CSRNP3: variants seen among roughly 807,000 people sequenced by gnomAD.
The protein encoded by CSRNP3 is cysteine/serine-rich nuclear protein 3.
Under a neutral mutation model 48.0 loss-of-function variants are expected in CSRNP3, and 12 were observed. The observed-to-expected ratio is 0.25, with a 90% CI of 0.16 to 0.41. The LOEUF is 0.41. Among genes scored for constraint, CSRNP3 ranks in the 10% least tolerant of loss-of-function variants. The probability of loss-of-function intolerance (pLI) is 1.00; values close to 1 mark genes in which losing one functional copy is unlikely to be tolerated. For synonymous variants in CSRNP3, 263 were observed against 269.7 expected (o/e 0.98, Z 0.24); for missense variants, 580 against 724.4 (o/e 0.80, Z 2.29).
intron 3 of CSRNP3, among the ~76,000 whole-genome samples, chr2:165,594,061 T>G (rs1685769949): frequency 1.3e-5 from 2 of 152,184 alleles, no homozygotes; most frequent in African/African-American, 4.8e-5. Context: ...GTCTTTAGAC[T>G]TGGGTGCCAT....
intron 4 of CSRNP3, among the ~76,000 whole-genome samples, chr2:165,633,456 C>T (rs1170567034): frequency 6.6e-6 from 1 of 152,154 alleles, no homozygotes; most frequent in Non-Finnish European, 1.5e-5. Context: ...GGTATGTTTT[C>T]ATTACAAAAC....
chr2:165,629,262 A>T (rs368593311), intron 4 of CSRNP3, among the ~76,000 whole-genome samples: 2 of 152,174 alleles, frequency 1.3e-5, no homozygotes, highest in East Asian at 1.9e-4. Flanking sequence ...TGTTCTCCTG[A>T]CATCACTCCC....
At chr2:165,657,683 T>C in intron 4 of CSRNP3, 78 bp from the exon 5 acceptor site, 1 of 1,549,356 alleles carries the variant, frequency 6.5e-7, no homozygotes, top group South Asian at 1.2e-5. Context: ...AGATTCAAGA[T>C]CACCAAATGG....
chr2:165,500,410 C>CAT lies in CSRNP3; in HGVS notation c.-113+5492_-113+5493dup, dbSNP rs201256708. ...GTATATATGTATACATATATGTATA[C>CAT]ATATATATATACACACACACACACA... On this transcript the variant is annotated intron_variant, in intron 2 of 6. Coordinates refer to ENST00000651982, the MANE Select transcript of CSRNP3 (RefSeq NM_001172173.2). Among the ~76,000 whole-genome samples, 8 of 125,346 alleles carry CAT rather than the reference C, an allele frequency of 6.4e-5. No individual in the cohort carries two copies. In the East Asian group the frequency reaches 7.2e-4, roughly 11 times the overall value. The allele number at this position is 125,346 out of a possible 152,430, so 82.2% of individuals were successfully genotyped here.
chr2:165,600,750 T>C (rs1417976480), intron 4 of CSRNP3, among the ~76,000 whole-genome samples: 2 of 152,260 alleles, frequency 1.3e-5, no homozygotes, highest in Non-Finnish European at 1.5e-5. Context: ...AAGTGTCTGT[T>C]CATGTCCTTC....
intron 5 of CSRNP3, among the ~76,000 whole-genome samples, chr2:165,664,119 G>A (rs375093276): frequency 1.7e-3 from 257 of 152,260 alleles, no homozygotes; most frequent in African/African-American, 5.9e-3. Flanking sequence ...AGTTCTTCGA[G>A]GGTATAATTA....
intron 3 of CSRNP3, among the ~76,000 whole-genome samples, chr2:165,530,563 G>C (rs1326981742): frequency 6.6e-6 from 1 of 152,042 alleles, no homozygotes; most frequent in East Asian, 1.9e-4. Context: ...TGCATATAAC[G>C]TGAGATAGTT....
intron 3 of CSRNP3, among the ~76,000 whole-genome samples, chr2:165,522,307 CA>C (rs1684674003): frequency 6.6e-6 from 1 of 151,860 alleles, no homozygotes; most frequent in Admixed American, 6.6e-5. Flanking sequence ...CTCAAACAAA[CA>C]AACAAACAAA....
chr2:165,662,834 C>A lies in CSRNP3; in HGVS notation c.408+4814C>A, dbSNP rs142327280. Among the ~76,000 whole-genome samples, 146 of 152,232 alleles carry A rather than the reference C, an allele frequency of 9.6e-4. No individual in the cohort carries two copies. The East Asian group carries it at 0.027, about 28-fold the overall frequency. On this transcript the variant is annotated intron_variant, in intron 5 of 6. Transcript: ENST00000651982. ...AAGTGTCTATCTTCATTCTTGCTGC[C>A]ATTTCTAATTGCTTTTCAGAATTAT...
intron 1 of CSRNP3, among the ~76,000 whole-genome samples, chr2:165,484,921 C>T (rs2105451356): frequency 6.6e-6 from 1 of 152,320 alleles, no homozygotes; most frequent in South Asian, 2.1e-4. Flanking sequence ...CTCACTTGCT[C>T]TCGCTCTTTC....
chr2:165,565,900 T>A (rs1294867790), intron 3 of CSRNP3, among the ~76,000 whole-genome samples: 1 of 152,094 alleles, frequency 6.6e-6, no homozygotes, highest in African/African-American at 2.4e-5. Context: ...ATTCAAGATT[T>A]GAACTTTTAT....
chr2:165,500,369 A>T (rs550582075), intron 2 of CSRNP3, among the ~76,000 whole-genome samples: 10 of 150,134 alleles, frequency 6.7e-5, no homozygotes, highest in Admixed American at 3.3e-4. Context: ...ACATACATAT[A>T]TGTATATGCG....
Position 165,679,348 on chromosome 2 carries a change from T to G in CSRNP3, c.1353T>G (p.Ser451=), listed in dbSNP as rs1687488449. ...SHIPGTPNQI[S]ENYSERDTVK... ...TTCCAGGAACTCCAAATCAGATCTC[T>G]GAGAACTATTCTGAAAGAGACACTG... The change falls in exon 7 of 7, where the codon TCT becomes TCG. Residue 451 remains serine (S), a synonymous_variant. Coordinates refer to ENST00000651982, the MANE Select transcript of CSRNP3 (RefSeq NM_001172173.2). The G allele has an allele frequency of 6.2e-7, 1 of 1,613,616 alleles. No individual in the cohort carries two copies. Among genetic ancestry groups the G allele is most frequent in the Non-Finnish European group, 8.5e-7 (1 of 1,179,900 alleles).
chr2:165,538,490 GT>G (rs1684911501), intron 3 of CSRNP3, among the ~76,000 whole-genome samples: 1 of 151,740 alleles, frequency 6.6e-6, no homozygotes, highest in African/African-American at 2.4e-5. Flanking sequence ...TTTACCCAGT[GT>G]CCCCACTTCC....
intron 5 of CSRNP3, among the ~76,000 whole-genome samples, chr2:165,660,026 G>C (rs1335783513): frequency 6.6e-6 from 1 of 152,114 alleles, no homozygotes. Context: ...TTTGTCAGTA[G>C]CAATCCTCTA....
chr2:165,597,813 A>G (rs915140690), intron 4 of CSRNP3, among the ~76,000 whole-genome samples: 8 of 152,292 alleles, frequency 5.3e-5, no homozygotes, highest in Middle Eastern at 3.4e-3. Context: ...AGCATTTAAC[A>G]ACAATAGTAA....
chr2:165,577,179 T>A (rs1191814236), intron 3 of CSRNP3, among the ~76,000 whole-genome samples: 1 of 151,242 alleles, frequency 6.6e-6, no homozygotes, highest in Non-Finnish European at 1.5e-5. Context: ...TACTGAAACA[T>A]GTAGAAGGAA....
chr2:165,595,954 A>G (rs1685802842), intron 4 of CSRNP3, among the ~76,000 whole-genome samples: 1 of 151,984 alleles, frequency 6.6e-6, no homozygotes, highest in African/African-American at 2.4e-5. Context: ...ATGGCACCAC[A>G]CCCAACTAAT....
intron 3 of CSRNP3, among the ~76,000 whole-genome samples, chr2:165,526,971 A>C (rs1205644193): frequency 6.6e-6 from 1 of 152,178 alleles, no homozygotes; most frequent in Non-Finnish European, 1.5e-5. Context: ...GTGTACAAAG[A>C]GGTTTGTTGA....
Sources: allele counts gnomAD v4.1 joint callset (sites outside exome capture counted in the v4.1 genomes callset), GRCh38; gene constraint gnomAD v4.1.1; transcripts MANE v1.5; gene names NCBI Gene and HGNC (gene_info 2026-07-23, HGNC 2026-07-21).